Variants in SND1 observed in about 807,000 individuals in gnomAD.
The protein encoded by SND1 is staphylococcal nuclease and tudor domain containing 1.
Under a neutral mutation model 121.7 loss-of-function variants are expected in SND1, and 38 were observed. The observed-to-expected ratio is 0.31, with a 90% CI of 0.24 to 0.41. The LOEUF is 0.41. SND1 is among the 10% of genes least tolerant of loss of function. SND1 has a pLI of 1.00. For missense variants in SND1, 868 were observed against 1,184.6 expected (o/e 0.73, Z 3.92); for synonymous variants, 401 against 447.4 (o/e 0.90, Z 1.31).
At chr7:127,870,951 A>G (rs372540879) in intron 12 of SND1, among the ~76,000 whole-genome samples, 1 of 152,150 alleles carries the variant, frequency 6.6e-6, no homozygotes, top group South Asian at 2.1e-4. Context: ...AATATTTTTT[A>G]TATCATTATT....
At chr7:127,758,095 GT>G (rs1448001385) in intron 10 of SND1, among the ~76,000 whole-genome samples, 3 of 152,202 alleles carry the variant, frequency 2.0e-5, no homozygotes, top group African/African-American at 7.2e-5. Flanking sequence ...TTTGGAGAAA[GT>G]TAAATTAATG....
At chr7:128,055,858 C>T (rs1179036640) in intron 16 of SND1, among the ~76,000 whole-genome samples, 4 of 152,120 alleles carry the variant, frequency 2.6e-5, no homozygotes, top group Admixed American at 6.5e-5. Context: ...GCCTCTACCT[C>T]GGCTGTCTCA....
rs190690862 is a variant in SND1, at chr7:127,981,622, A to G, written c.1670-9325A>G. 8.5e-5 allele frequency among the ~76,000 whole-genome samples: 13 copies of G among 152,120 alleles called. No individual in the cohort carries two copies. In the East Asian group the frequency reaches 2.5e-3, roughly 29 times the overall value. On this transcript the variant is annotated intron_variant, in intron 15 of 23. Transcript: ENST00000354725. ...TTATTCCCATGCTGGCCTGATTGTT[A>G]TCTTCTGTACCAGCTCCATCTAAAA... is the stretch of plus-strand genomic sequence containing the variant.
At chr7:127,798,743 A>G (rs570387861) in intron 10 of SND1, among the ~76,000 whole-genome samples, 2 of 152,300 alleles carry the variant, frequency 1.3e-5, no homozygotes, top group Admixed American at 6.5e-5. Context: ...CCTCCTTGCT[A>G]CTTATTTAAA....
chr7:127,832,886 G>A (rs889635756), intron 11 of SND1, among the ~76,000 whole-genome samples: 1 of 152,206 alleles, frequency 6.6e-6, no homozygotes, highest in African/African-American at 2.4e-5. Flanking sequence ...AAAGCCTAGT[G>A]TGAACTACAC....
intron 16 of SND1, among the ~76,000 whole-genome samples, chr7:128,067,519 T>C (rs904044026): frequency 6.6e-6 from 1 of 152,140 alleles, no homozygotes; most frequent in Non-Finnish European, 1.5e-5. Context: ...AGTGACTTCC[T>C]TCCCAGATGC....
At chr7:127,967,725 C>A (rs767981428) in intron 15 of SND1, among the ~76,000 whole-genome samples, 5 of 152,156 alleles carry the variant, frequency 3.3e-5, no homozygotes, top group Admixed American at 6.5e-5. Flanking sequence ...CATTAGTATA[C>A]GGTTACTGTG....
chr7:127,828,274 G>A (rs1171122047), intron 11 of SND1, among the ~76,000 whole-genome samples: 1 of 151,984 alleles, frequency 6.6e-6, no homozygotes, highest in Admixed American at 6.6e-5. Flanking sequence ...TGGGATTACG[G>A]GTGTGAGCCA....
chr7:127,802,498 A>G (rs544373492), intron 10 of SND1, among the ~76,000 whole-genome samples: 1 of 152,276 alleles, frequency 6.6e-6, no homozygotes, highest in East Asian at 1.9e-4. Context: ...GACACAGTTG[A>G]TCATTCCTTC....
At chr7:127,957,374 A>G (rs890327416) in intron 15 of SND1, among the ~76,000 whole-genome samples, 3 of 152,120 alleles carry the variant, frequency 2.0e-5, no homozygotes, top group African/African-American at 4.8e-5. Flanking sequence ...AGATGGCCCT[A>G]TCGTTGTGGG....
chr7:128,006,537 G>C (rs1277087971), intron 16 of SND1, among the ~76,000 whole-genome samples: 1 of 152,222 alleles, frequency 6.6e-6, no homozygotes, highest in Non-Finnish European at 1.5e-5. Context: ...TGAATCCCAG[G>C]ACTCTTAAGA....
At chr7:128,023,714 C>T (rs530081864) in intron 16 of SND1, among the ~76,000 whole-genome samples, 1 of 152,168 alleles carries the variant, frequency 6.6e-6, no homozygotes, top group Non-Finnish European at 1.5e-5. Flanking sequence ...ATAGGCATGT[C>T]TCTCTTTGGA....
intron 16 of SND1, among the ~76,000 whole-genome samples, chr7:128,063,341 G>T (rs1793262696): frequency 6.6e-6 from 1 of 152,192 alleles, no homozygotes; most frequent in Admixed American, 6.5e-5. Flanking sequence ...AGCCCCTTCT[G>T]TTCATGGCGT....
chr7:127,992,775 G>C (rs570274467), intron 16 of SND1, among the ~76,000 whole-genome samples: 252 of 152,232 alleles, frequency 1.7e-3, no homozygotes, highest in Non-Finnish European at 3.2e-3. Context: ...AAAGTACAAG[G>C]GGATCAAAGA....
chr7:127,753,430 A>T (rs1797137658), intron 10 of SND1, among the ~76,000 whole-genome samples: 1 of 151,798 alleles, frequency 6.6e-6, no homozygotes, highest in Admixed American at 6.6e-5. Flanking sequence ...GAAAATTGAG[A>T]TGTTGATATT....
chr7:127,676,896 C>T (rs1305277287), intron 1 of SND1, among the ~76,000 whole-genome samples: 3 of 152,192 alleles, frequency 2.0e-5, no homozygotes, highest in Non-Finnish European at 4.4e-5. Flanking sequence ...CACCTACCAC[C>T]GTGTCCAGCT....
At chr7:127,774,094 A>G (rs1482335268) in intron 10 of SND1, among the ~76,000 whole-genome samples, 4 of 152,154 alleles carry the variant, frequency 2.6e-5, no homozygotes, top group South Asian at 4.1e-4. Flanking sequence ...TTGAAAAGTT[A>G]ACTATAAAAC....
At chr7:127,780,932 C>T (rs547045543) in intron 10 of SND1, among the ~76,000 whole-genome samples, 13 of 152,258 alleles carry the variant, frequency 8.5e-5, no homozygotes, top group African/African-American at 1.9e-4. Context: ...TTCTGAGCTA[C>T]GGAAAACTCA....
intron 1 of SND1, among the ~76,000 whole-genome samples, chr7:127,670,172 G>A (rs1795491502): frequency 6.6e-6 from 1 of 151,998 alleles, no homozygotes; most frequent in Non-Finnish European, 1.5e-5. Flanking sequence ...TGTATTTGTG[G>A]TAGAGACAGT....
Sources: gnomAD v4.1 joint callset for allele counts (sites outside exome capture counted in the v4.1 genomes callset) on GRCh38, gnomAD v4.1.1 for gene constraint, MANE v1.5 for transcripts, NCBI Gene and HGNC (gene_info 2026-07-23, HGNC 2026-07-21) for gene names.